Variants in CATSPERD observed in about 807,000 individuals in gnomAD.
CATSPERD encodes cation channel sperm-associated auxiliary subunit delta.
CATSPERD carries 86 observed loss-of-function variants against 98.1 expected under a neutral mutation model. The ratio of observed to expected loss-of-function variants is 0.88; its 90% CI spans 0.74 to 1.05. The LOEUF (loss-of-function observed/expected upper bound fraction) is 1.05, where lower values mean the gene tolerates loss of function less well. Ranked by LOEUF, CATSPERD falls within the 50% of genes least tolerant of loss-of-function variation. The pLI, the probability that CATSPERD is intolerant of heterozygous loss-of-function variation, is 0.00. For synonymous variants in CATSPERD, 394 were observed against 390.2 expected, an observed-to-expected ratio of 1.01 and a Z score of -0.12; for missense variants, 995 against 1,005.7, an observed-to-expected ratio of 0.99 and a Z score of 0.14.
At chr19:5,740,543 C>T (rs2055940048) in intron 7 of CATSPERD, among the ~76,000 whole-genome samples, 1 of 151,876 alleles carries the variant, frequency 6.6e-6, no homozygotes. Flanking sequence ...GCCGAGATCG[C>T]ACCAGTGCAC....
chr19:5,764,946 T>C (rs931730925), intron 16 of CATSPERD, among the ~76,000 whole-genome samples: 2 of 152,042 alleles, frequency 1.3e-5, no homozygotes, highest in African/African-American at 2.4e-5. Context: ...GGTCTCACTC[T>C]GTCTCCCAGG....
At chr19:5,745,879 T>A in intron 8 of CATSPERD, 34 bp from the exon 9 acceptor site, 1 of 1,611,112 alleles carries the variant, frequency 6.2e-7, no homozygotes, top group Non-Finnish European at 8.5e-7. Context: ...CAGTAGGGTT[T>A]GGGGAGAGGC....
chr19:5,757,589 G>A (rs1039253883), intron 13 of CATSPERD, among the ~76,000 whole-genome samples: 2 of 145,890 alleles, frequency 1.4e-5, no homozygotes, highest in South Asian at 2.2e-4. Flanking sequence ...GAGCCACCGC[G>A]CCTGGCCAAA....
At chr19:5,734,929 C>G (rs1487972041) in intron 5 of CATSPERD, among the ~76,000 whole-genome samples, 1 of 152,060 alleles carries the variant, frequency 6.6e-6, no homozygotes, top group African/African-American at 2.4e-5. Context: ...CATTGTCCCT[C>G]CCACACACTT....
intron 13 of CATSPERD, 121 bp from the exon 14 acceptor site, chr19:5,757,722 T>A: frequency 3.1e-6 from 2 of 645,738 alleles, no homozygotes; most frequent in Non-Finnish European, 5.2e-6. Context: ...ATTACAGATA[T>A]GAGCCACTAC....
At chr19:5,728,768 G>T (rs1015896858) in intron 3 of CATSPERD, among the ~76,000 whole-genome samples, 1 of 149,952 alleles carries the variant, frequency 6.7e-6, no homozygotes, top group Non-Finnish European at 1.5e-5. Flanking sequence ...GCGCAATCTC[G>T]GCTCACTGCA....
At chr19:5,732,956 C>T (rs1599518150) in intron 4 of CATSPERD, among the ~76,000 whole-genome samples, 2 of 151,742 alleles carry the variant, frequency 1.3e-5, no homozygotes, top group South Asian at 2.1e-4. Context: ...GTATTACAGG[C>T]GTGAGCCACC....
At chr19:5,727,933 A>G (rs1403509794) in intron 3 of CATSPERD, among the ~76,000 whole-genome samples, 7 of 151,114 alleles carry the variant, frequency 4.6e-5, no homozygotes, top group African/African-American at 1.7e-4. Context: ...ACTCATGCCT[A>G]TAGTACCAGC....
At chr19:5,724,458 G>A (rs552301222) in intron 1 of CATSPERD, among the ~76,000 whole-genome samples, 3 of 152,200 alleles carry the variant, frequency 2.0e-5, no homozygotes, top group East Asian at 3.9e-4. Flanking sequence ...CCAACACTTC[G>A]GGAGGCCAAG....
rs117255291 is a variant in CATSPERD, at chr19:5,732,381, A to T, written c.277-1475A>T. On this transcript the variant is annotated intron_variant, in intron 4 of 21. Coordinates refer to ENST00000381624, the MANE Select transcript of CATSPERD (RefSeq NM_152784.4). ...GCTGGCCCCAAGATACACAGTTCTC[A>T]GTATCTAAGAACCAACCAACTATTG... Among the ~76,000 whole-genome samples the T allele has an allele frequency of 7.6e-4, 116 of 152,244 alleles. No individual in the cohort carries two copies. In the East Asian group the frequency reaches 0.019, roughly 25 times the overall value.
intron 9 of CATSPERD, among the ~76,000 whole-genome samples, chr19:5,747,126 T>A (rs1454304859): frequency 2.7e-5 from 4 of 149,984 alleles, no homozygotes; most frequent in African/African-American, 9.8e-5. Flanking sequence ...ATTACAGCTC[T>A]GAGCCGCTGT....
chr19:5,750,069 G>T (rs2145775341), intron 11 of CATSPERD, among the ~76,000 whole-genome samples: 1 of 151,282 alleles, frequency 6.6e-6, no homozygotes, highest in Non-Finnish European at 1.5e-5. Context: ...CTCCCAAAGT[G>T]CTGGGATTAC....
At chr19:5,748,491 C>T (rs1344260051) in intron 10 of CATSPERD, among the ~76,000 whole-genome samples, 2 of 151,458 alleles carry the variant, frequency 1.3e-5, no homozygotes, top group East Asian at 3.9e-4. Flanking sequence ...ATAAGCTGGG[C>T]GTGGTGGTGG....
rs60075484 is a variant in CATSPERD, at chr19:5,760,073, CA to C, written c.1427+953del. 9.9e-3 allele frequency among the ~76,000 whole-genome samples: 479 copies of C among 48,486 alleles called. 1 individual carries two copies. The highest frequency in any genetic ancestry group is 0.039 in the African/African-American group (415 of 10,628). The allele number at this position is 48,486 out of a possible 152,430, so 31.8% of individuals were successfully genotyped here. A position where few individuals can be genotyped will look rare whatever the true frequency, so the allele number is the denominator to read the frequency against. The stretch of plus-strand genomic sequence containing the variant: ...TGGGTGACAGAGTGAGACTCCATCT[CA>C]AAAAAAAAAAAAAAAAAAAAAAAGG... On this transcript the variant is annotated intron_variant, in intron 15 of 21. Transcript: ENST00000381624.
chr19:5,778,559 A>T lies in CATSPERD; in HGVS notation c.2280A>T (p.Thr760=), dbSNP rs1443551544. 6.2e-7 allele frequency: 1 copy of T among 1,613,892 alleles called. No individual in the cohort carries two copies. Among genetic ancestry groups the T allele is most frequent in the African/African-American group, 1.3e-5 (1 of 75,034 alleles). Residue 760 remains threonine, a synonymous_variant, in exon 22 of 22, where the codon ACA becomes ACT. Coordinates refer to ENST00000381624, the MANE Select transcript of CATSPERD (RefSeq NM_152784.4). The part of the protein sequence containing the change: ...ARGRRIKKCA[T]QLCRRCKTVC... ...GCCGCAGGATCAAGAAGTGTGCGAC[A>T]CAGCTGTGTAGGAGATGCAAGACGG...
intron 6 of CATSPERD, 75 bp downstream of exon 6, chr19:5,737,280 G>C (rs538129817): frequency 1.3e-5 from 14 of 1,038,042 alleles, no homozygotes; most frequent in Non-Finnish European, 1.6e-5. Flanking sequence ...AGACATAAAG[G>C]CTGGGCGTGG....
In CATSPERD at chr19:5,772,838, T is replaced by C. The variant is rs1246321979; in HGVS notation, c.1814T>C (p.Leu605Pro). The C allele has an allele frequency of 6.2e-7, 1 of 1,613,924 alleles. No individual in the cohort carries two copies. The highest frequency in any genetic ancestry group is 8.5e-7 in the Non-Finnish European group (1 of 1,179,982). Reference protein sequence around the residue: ...QEVIDAEYVLLEVNGQFSYSY... With the variant: ...QEVIDAEYVLPEVNGQFSYSY... ...GTCATCGACGCCGAGTATGTGTTAC[T>C]GGAGGTGAACGGGCAGTTCTCATAC... is the stretch of plus-strand genomic sequence containing the variant. Residue 605 changes from leucine (L) to proline (P), a missense_variant, in exon 20 of 22, where the codon CTG becomes CCG. Transcript: ENST00000381624.
rs2055913172 is a variant in CATSPERD, at chr19:5,739,400, T to C, written c.534T>C (p.Thr178=). 6 of 1,582,642 alleles carry C rather than the reference T, an allele frequency of 3.8e-6. No individual in the cohort carries two copies. The highest frequency in any genetic ancestry group is 5.1e-6 in the Non-Finnish European group (6 of 1,168,940). ...AGACTTATATATATTATTCAAATACTGGGGGATTCAGTTTTTGGAAGTATC... is the reference window on the plus strand; with the variant it reads ...AGACTTATATATATTATTCAAATACCGGGGGATTCAGTTTTTGGAAGTATC... ...ISQTYIYYSN[T]GGFSFWKYHY... Residue 178 remains threonine, a synonymous_variant, in exon 7 of 22, where the codon ACT becomes ACC. Transcript: ENST00000381624.
At chr19:5,765,054 G>T (rs1023925817) in intron 16 of CATSPERD, among the ~76,000 whole-genome samples, 1 of 152,114 alleles carries the variant, frequency 6.6e-6, no homozygotes, top group Non-Finnish European at 1.5e-5. Context: ...GGGATTACAG[G>T]CGTGCACCAC....
Sources: allele counts gnomAD v4.1 joint callset (sites outside exome capture counted in the v4.1 genomes callset), GRCh38; gene constraint gnomAD v4.1.1; transcripts MANE v1.5; gene names NCBI Gene and HGNC (gene_info 2026-07-23, HGNC 2026-07-21).